STK32B: variants seen among roughly 807,000 people sequenced by gnomAD.
STK32B encodes the protein serine/threonine-protein kinase 32B.
A neutral mutation model predicts 52.6 loss-of-function variants in STK32B; 43 were observed. That is an observed-to-expected ratio of 0.82 (90% CI 0.64 to 1.05). The LOEUF is 1.05. STK32B is among the 50% of genes least tolerant of loss of function. The pLI, the probability that STK32B is intolerant of heterozygous loss-of-function variation, is 0.00. For missense variants in STK32B, 621 were observed against 534.6 expected, an observed-to-expected ratio of 1.16 and a Z score of -1.59; for synonymous variants, 238 against 204.3, an observed-to-expected ratio of 1.17 and a Z score of -1.41.
At chr4:5,397,815 A>T (rs775876379) in intron 4 of STK32B, among the ~76,000 whole-genome samples, 2 of 152,214 alleles carry the variant, frequency 1.3e-5, no homozygotes, top group Non-Finnish European at 2.9e-5. Context: ...ATTGAGCTCG[A>T]GTGGATGCCA....
chr4:5,481,274 T>TCTAA (rs1298259110), intron 11 of STK32B, among the ~76,000 whole-genome samples: 15 of 152,220 alleles, frequency 9.9e-5, no homozygotes, highest in Non-Finnish European at 1.6e-4. Flanking sequence ...TGATTGCCAT[T>TCTAA]CTAACTGGTG....
At chr4:5,230,209 T>TC (rs1724164233) in intron 3 of STK32B, among the ~76,000 whole-genome samples, 1 of 86,708 alleles carries the variant, frequency 1.2e-5, no homozygotes. Context: ...TTTTTTTTTT[T>TC]AGTGGAGTCT....
intron 6 of STK32B, among the ~76,000 whole-genome samples, chr4:5,421,655 G>A (rs1246568277): frequency 6.6e-6 from 1 of 152,192 alleles, no homozygotes; most frequent in Non-Finnish European, 1.5e-5. Context: ...CACACTGTCT[G>A]AGGCAGCCCA....
At chr4:5,050,731 C>A (rs370988789), upstream of STK32B, among the ~76,000 whole-genome samples, 3 of 152,304 alleles carry the variant, frequency 2.0e-5, no homozygotes, top group Non-Finnish European at 4.4e-5. Flanking sequence ...CCGCGCTCGC[C>A]CCACACGTCT....
the STK32B span, among the ~76,000 whole-genome samples, chr4:5,039,508 C>G: frequency 6.6e-6 from 1 of 152,296 alleles, no homozygotes; most frequent in South Asian, 2.1e-4. Context: ...ATAACAATGC[C>G]TTCTTCTAGA....
chr4:5,411,038 C>CTT (rs761947959), intron 5 of STK32B, among the ~76,000 whole-genome samples: 5 of 141,442 alleles, frequency 3.5e-5, no homozygotes, highest in African/African-American at 7.7e-5. Context: ...GGCCCCATCT[C>CTT]TTTTTTTTTT....
intron 3 of STK32B, among the ~76,000 whole-genome samples, chr4:5,289,828 G>A (rs1271967628): frequency 6.7e-6 from 1 of 149,850 alleles, no homozygotes; most frequent in South Asian, 2.1e-4. Context: ...CAAGCGTGAT[G>A]AGCCACCACG....
chr4:5,295,975 G>T lies in STK32B; in HGVS notation c.261-35245G>T, dbSNP rs28851939. ...GATTCTGGCGTGTTGTGTCTTTCTC[G>T]TTGGTTTCAATGAAGTTATTTATTT... On this transcript the variant is annotated intron_variant, in intron 3 of 11. Coordinates refer to ENST00000282908, the MANE Select transcript of STK32B (RefSeq NM_018401.3). Among the ~76,000 whole-genome samples, 17 of 151,534 alleles carry T rather than the reference G, an allele frequency of 1.1e-4. 1 individual carries two copies. Among genetic ancestry groups the T allele is most frequent in the Admixed American group, 7.2e-4 (11 of 15,200 alleles).
chr4:5,316,919 TAA>T (rs1238448625), intron 3 of STK32B, among the ~76,000 whole-genome samples: 4 of 20,978 alleles, frequency 1.9e-4, no homozygotes, highest in South Asian at 3.2e-3. Context: ...ATATATGATA[TAA>T]TATATATAAT....
intron 3 of STK32B, among the ~76,000 whole-genome samples, chr4:5,217,232 G>A (rs1031376845): frequency 6.6e-6 from 1 of 152,138 alleles, no homozygotes; most frequent in African/African-American, 2.4e-5. Context: ...CATTATTTCA[G>A]GCTTAGAGGC....
intron 3 of STK32B, among the ~76,000 whole-genome samples, chr4:5,174,474 G>A (rs1178373264): frequency 6.6e-6 from 1 of 152,174 alleles, no homozygotes; most frequent in Admixed American, 6.5e-5. Context: ...GCTTCCTTCA[G>A]GAGCTCTTTT....
At chr4:5,074,588 G>T (rs191595165) in intron 1 of STK32B, among the ~76,000 whole-genome samples, 223 of 151,830 alleles carry the variant, frequency 1.5e-3, no homozygotes, top group Admixed American at 3.7e-3. Flanking sequence ...TATTGTAGAT[G>T]GTATATTATA....
intron 1 of STK32B, among the ~76,000 whole-genome samples, chr4:5,053,195 G>A (rs1741857366): frequency 6.6e-6 from 1 of 152,212 alleles, no homozygotes; most frequent in African/African-American, 2.4e-5. Context: ...CCTTAAAGGA[G>A]TTCCTAGTCT....
At chr4:5,364,171 C>G (rs1446669438) in intron 4 of STK32B, among the ~76,000 whole-genome samples, 1 of 152,238 alleles carries the variant, frequency 6.6e-6, no homozygotes, top group Non-Finnish European at 1.5e-5. Flanking sequence ...CCCCTTAATT[C>G]TCACTTTTCC....
intron 3 of STK32B, among the ~76,000 whole-genome samples, chr4:5,204,792 A>G (rs1277889848): frequency 6.6e-6 from 1 of 152,106 alleles, no homozygotes; most frequent in Non-Finnish European, 1.5e-5. Context: ...AGCAAAATAT[A>G]GTCTCAGCTC....
chr4:5,204,662 G>T (rs1722430735), intron 3 of STK32B, among the ~76,000 whole-genome samples: 1 of 151,978 alleles, frequency 6.6e-6, no homozygotes, highest in Non-Finnish European at 1.5e-5. Context: ...TAGAAATGGG[G>T]TTTCACCATA....
chr4:5,195,528 A>G (rs1721576557), intron 3 of STK32B, among the ~76,000 whole-genome samples: 1 of 152,158 alleles, frequency 6.6e-6, no homozygotes, highest in African/African-American at 2.4e-5. Context: ...TCCTTTCTGT[A>G]CTAAAAATAT....
intron 3 of STK32B, among the ~76,000 whole-genome samples, chr4:5,207,391 GT>G (rs963698681): frequency 8.5e-5 from 13 of 152,246 alleles, no homozygotes; most frequent in African/African-American, 3.1e-4. Context: ...TGGTTTTATA[GT>G]TTTATAAAAA....
chr4:5,233,105 G>A (rs73211115), intron 3 of STK32B, among the ~76,000 whole-genome samples: 15,057 of 152,138 alleles, frequency 0.099, 1,201 homozygotes, highest in African/African-American at 0.22. Flanking sequence ...TGATGCATCA[G>A]TCTGTTTGCT....
Sources: gnomAD v4.1 joint callset for allele counts (sites outside exome capture counted in the v4.1 genomes callset) on GRCh38, gnomAD v4.1.1 for gene constraint, MANE v1.5 for transcripts, NCBI Gene and HGNC (gene_info 2026-07-23, HGNC 2026-07-21) for gene names.